The following PPT2 variants were observed in gnomAD, a reference collection of about 807,000 sequenced individuals.
PPT2 encodes the protein palmitoyl-protein thioesterase 2.
A neutral mutation model predicts 37.3 loss-of-function variants in PPT2; 20 were observed. That is an observed-to-expected ratio of 0.54 (90% CI 0.38 to 0.78). The LOEUF (loss-of-function observed/expected upper bound fraction) is 0.78, where lower values mean the gene tolerates loss of function less well. Ranked by LOEUF, PPT2 falls within the 30% of genes least tolerant of loss-of-function variation. PPT2 has a pLI of 0.00. For missense variants in PPT2, 270 were observed against 389.8 expected (o/e 0.69, Z 2.59); for synonymous variants, 135 against 159.1 (o/e 0.85, Z 1.14).
chr6:32,160,223 T>G (rs531572586), intron 7 of PPT2, among the ~76,000 whole-genome samples: 1 of 149,752 alleles, frequency 6.7e-6, no homozygotes, highest in South Asian at 2.1e-4. Context: ...TTTTTTGTAT[T>G]TTTAGTAGAG....
At chr6:32,157,479 C>T in intron 5 of PPT2, 158 bp from the exon 6 acceptor site, 1 of 649,770 alleles carries the variant, frequency 1.5e-6, no homozygotes, top group Non-Finnish European at 2.7e-6. Flanking sequence ...TCCCAAAGTG[C>T]TGGGATTACA....
chr6:32,153,736 C>A, upstream of PPT2: 3 of 1,419,156 alleles, frequency 2.1e-6, no homozygotes, highest in Admixed American at 2.2e-5. This position sits in a 1 kb window ranked among gnomAD's most constrained non-coding sequence, Gnocchi z 4.4. Context: ...CTGCCACTCA[C>A]CCAGCACACG....
rs1250451724 is a variant in PPT2 at position 32,155,680 on chromosome 6, G to C, written c.338-8G>C. On this transcript the variant is annotated splice_polypyrimidine_tract_variant and splice_region_variant and intron_variant, in intron 3 of 8. Transcript: ENST00000324816. The surrounding 1 kb of genome is among the most constrained non-coding windows in gnomAD (Gnocchi z 4.3). The stretch of plus-strand genomic sequence containing the variant: ...AAGTGCCTGCCCAATGTGGTGTTCT[G>C]CTTACAGGGGGCCTTGTGTGCCGGG... The C allele has an allele frequency of 1.9e-6, 3 of 1,613,394 alleles. No individual in the cohort carries two copies. The Admixed American group carries it at 5.0e-5, about 27-fold the overall frequency.
intron 7 of PPT2, among the ~76,000 whole-genome samples, chr6:32,160,810 A>G (rs1784106374): frequency 6.6e-6 from 1 of 152,112 alleles, no homozygotes; most frequent in Non-Finnish European, 1.5e-5. Flanking sequence ...CAACATGGCA[A>G]AACCCTGTCT....
Position 32,156,229 on chromosome 6 carries a change from C to T in PPT2, c.541+251C>T, listed in dbSNP as rs1783798970. Among the ~76,000 whole-genome samples, 1 of 152,104 alleles carries T rather than the reference C, an allele frequency of 6.6e-6. No homozygotes were observed. Among genetic ancestry groups the T allele is most frequent in the Non-Finnish European group, 1.5e-5 (1 of 68,024 alleles). On this transcript the variant is annotated intron_variant, in intron 5 of 8. Transcript: ENST00000324816. This position sits in a 1 kb window ranked among gnomAD's most constrained non-coding sequence, Gnocchi z 4.9. ...CAAGTGATCCTCCTGCCTCAGTCCC[C>T]CTAGTAGCTGGGATTACAGGCAGGC...
rs1385398868 is a variant in PPT2, at chr6:32,162,150, G to A, written c.711-418G>A. Among the ~76,000 whole-genome samples, 1 of 152,140 alleles carries A rather than the reference G, an allele frequency of 6.6e-6. No individual in the cohort carries two copies. Among genetic ancestry groups the A allele is most frequent in the Non-Finnish European group, 1.5e-5 (1 of 68,026 alleles). Reference sequence around the variant, plus strand: ...CTACCTGTCTCCCCAGTAGGCCTTGGGTTCCTTTGGGACCTTAGCCCACCT... The same window carrying A: ...CTACCTGTCTCCCCAGTAGGCCTTGAGTTCCTTTGGGACCTTAGCCCACCT... On this transcript the variant is annotated intron_variant, in intron 7 of 8. Transcript: ENST00000324816. The surrounding 1 kb of genome is among the most constrained non-coding windows in gnomAD (Gnocchi z 5.5).
chr6:32,155,273 C>T lies in PPT2; in HGVS notation c.337+90C>T. ...ACTTCCTAGCGTCCCTTTTTCTGAA[C>T]CACATTGCTCCAGGCACAACCCTGG... On this transcript the variant is annotated intron_variant, in intron 3 of 8. Transcript: ENST00000324816. The surrounding 1 kb of genome is among the most constrained non-coding windows in gnomAD (Gnocchi z 4.3). 6.9e-7 allele frequency: 1 copy of T among 1,450,822 alleles called. No homozygotes were observed. Among genetic ancestry groups the T allele is most frequent in the South Asian group, 1.2e-5 (1 of 82,212 alleles). 89.9% of individuals were successfully genotyped at this position (1,450,822 alleles called of 1,614,324 possible). A position where few individuals can be genotyped will look rare whatever the true frequency, so the allele number is the denominator to read the frequency against.
rs1214191656 is a variant in PPT2, at chr6:32,159,433, C to CAAAAAAAAAA, written c.710+1519_710+1528dup. On this transcript the variant is annotated intron_variant, in intron 7 of 8. Transcript: ENST00000324816. ...GGGCAACAAGAGCGAAACTCCATCT[C>CAAAAAAAAAA]AAAAAAAAAAAAAAAAAAATATATA... Among the ~76,000 whole-genome samples the CAAAAAAAAAA allele has an allele frequency of 2.0e-3, 45 of 22,162 alleles. 3 individuals are homozygous for CAAAAAAAAAA. Among genetic ancestry groups the CAAAAAAAAAA allele is most frequent in the African/African-American group, 2.8e-3 (13 of 4,648 alleles). The allele number at this position is 22,162 out of a possible 152,430, so 14.5% of individuals were successfully genotyped here.
intron 5 of PPT2, 38 bp from the exon 6 acceptor site, chr6:32,157,599 C>A: frequency 6.6e-7 from 1 of 1,519,544 alleles, no homozygotes; most frequent in South Asian, 1.1e-5. Context: ...TCTTGCCTCC[C>A]TTTTCTGCTT....
rs753979640 is a variant in PPT2 at position 32,154,807 on chromosome 6, G to A, written c.183+30G>A. 4.4e-6 allele frequency: 7 copies of A among 1,598,968 alleles called. No individual in the cohort carries two copies. The South Asian group carries it at 7.7e-5, about 18-fold the overall frequency. On this transcript the variant is annotated intron_variant, in intron 2 of 8. Transcript: ENST00000324816. This position sits in a 1 kb window ranked among gnomAD's most constrained non-coding sequence, Gnocchi z 7.3. Reference sequence around the variant, plus strand: ...GGCAGGGGACACCTGGGTGCAGGGCGTTAGAGGCGTCTACTGTGGCAGGGG... The same window carrying A: ...GGCAGGGGACACCTGGGTGCAGGGCATTAGAGGCGTCTACTGTGGCAGGGG...
At position 32,155,898 on chromosome 6, in the gene PPT2, C is replaced by T. The variant is rs1683926193; in HGVS notation, c.461C>T (p.Pro154Leu). The change falls in exon 5 of 9, where the codon CCC (proline) becomes CTC (leucine). Residue 154 changes from proline to leucine, a missense_variant. Transcript: ENST00000324816. This position sits in a 1 kb window ranked among gnomAD's most constrained non-coding sequence, Gnocchi z 4.3. ...GDTDYLKWLF[P>L]TSMRSNLYRI... is the part of the protein sequence containing the mutation. ...ACGGACTACTTGAAGTGGCTGTTCC[C>T]CACCTCCATGCGGTCTAACCTCTAT... 1.2e-6 allele frequency: 2 copies of T among 1,613,902 alleles called. No individual in the cohort carries two copies. The highest frequency in any genetic ancestry group is 1.1e-5 in the South Asian group (1 of 91,084).
rs777375863 is a variant in PPT2, at chr6:32,162,896, C to G, written c.855C>G (p.Ala285=). The change falls in exon 9 of 9, where the codon GCC becomes GCG. Residue 285 remains alanine, a synonymous_variant. Transcript: ENST00000324816. This position sits in a 1 kb window ranked among gnomAD's most constrained non-coding sequence, Gnocchi z 5.5. The part of the protein sequence containing the change: ...RCPMAGISHT[A]WHSNRTLYET... ...CAATGGCCGGTATCTCCCACACAGC[C>G]TGGCACTCCAACCGTACCCTTTATG... 1.2e-6 allele frequency: 2 copies of G among 1,614,150 alleles called. No homozygotes were observed. The highest frequency in any genetic ancestry group is 3.3e-5 in the Admixed American group (2 of 60,022).
Position 32,162,560 on chromosome 6 carries a change from CTT to C in PPT2, c.711-6_711-5del. ...CTTCTGATAACCTCCCCCCAAATCT[CTT>C]TGTAGCTTCTTTGGTTTCTATGATG... On this transcript the variant is annotated splice_polypyrimidine_tract_variant and splice_region_variant and intron_variant, in intron 7 of 8. Transcript: ENST00000324816. This position sits in a 1 kb window ranked among gnomAD's most constrained non-coding sequence, Gnocchi z 5.5. 1 of 1,606,794 alleles carries C rather than the reference CTT, an allele frequency of 6.2e-7. No homozygotes were observed.
At chr6:32,160,896 G>C (rs1295021789) in intron 7 of PPT2, among the ~76,000 whole-genome samples, 3 of 150,536 alleles carry the variant, frequency 2.0e-5, no homozygotes, top group Non-Finnish European at 4.4e-5. Context: ...GCTGAGGTAC[G>C]AGAATTGCTT....
In PPT2 at chr6:32,156,286, A is replaced by C. The variant is rs1297948447; in HGVS notation, c.541+308A>C. Among the ~76,000 whole-genome samples, 1 of 152,028 alleles carries C rather than the reference A, an allele frequency of 6.6e-6. No homozygotes were observed. The highest frequency in any genetic ancestry group is 6.6e-5 in the Admixed American group (1 of 15,258). On this transcript the variant is annotated intron_variant, in intron 5 of 8. Transcript: ENST00000324816. The surrounding 1 kb of genome is among the most constrained non-coding windows in gnomAD (Gnocchi z 4.9). Reference sequence around the variant, plus strand: ...ATGCCCGGCTAAGTTTTGTATTTTAAGTAGAGATGGAGTTTCGCCATGTTG... The same window carrying C: ...ATGCCCGGCTAAGTTTTGTATTTTACGTAGAGATGGAGTTTCGCCATGTTG...
chr6:32,153,977 G>A, upstream of PPT2: 1 of 1,302,598 alleles, frequency 7.7e-7, no homozygotes, highest in East Asian at 3.3e-5. The surrounding 1 kb of genome is among the most constrained non-coding windows in gnomAD (Gnocchi z 4.4). Flanking sequence ...TAAATGGATC[G>A]CTCCGCCTGT....
chr6:32,162,333 C>T lies in PPT2; in HGVS notation c.711-235C>T, dbSNP rs1020085859. Among the ~76,000 whole-genome samples the T allele has an allele frequency of 6.6e-6, 1 of 152,170 alleles. No homozygotes were observed. Among genetic ancestry groups the T allele is most frequent in the African/African-American group, 2.4e-5 (1 of 41,446 alleles). Reference sequence around the variant, plus strand: ...CTCCCGGGTTCAAGTAATTATCCTGCCTCAGCCTCTTGGGTAGCTGGGCTT... The same window carrying T: ...CTCCCGGGTTCAAGTAATTATCCTGTCTCAGCCTCTTGGGTAGCTGGGCTT... On this transcript the variant is annotated intron_variant, in intron 7 of 8. Transcript: ENST00000324816. The surrounding 1 kb of genome is among the most constrained non-coding windows in gnomAD (Gnocchi z 5.5).
intron 7 of PPT2, among the ~76,000 whole-genome samples, chr6:32,159,451 A>AAAAAAAT (rs1290087556): frequency 3.6e-4 from 42 of 115,110 alleles, no homozygotes; most frequent in African/African-American, 8.7e-4. Flanking sequence ...AAAAAAAAAA[A>AAAAAAAT]ATATATATAT....
Position 32,157,640 on chromosome 6 carries a change from C to T in PPT2, c.545C>T (p.Pro182Leu). 3 of 1,592,864 alleles carry T rather than the reference C, an allele frequency of 1.9e-6. No homozygotes were observed. The highest frequency in any genetic ancestry group is 2.6e-6 in the Non-Finnish European group (3 of 1,161,566). ...EFSICNYWHD[P>L]HHDDLYLNAS... is the part of the protein sequence containing the mutation. Reference sequence around the variant, plus strand: ...TCTAACTGCTGTTTGTACCCAGATCCCCACCACGATGACTTGTACCTCAAT... The same window carrying T: ...TCTAACTGCTGTTTGTACCCAGATCTCCACCACGATGACTTGTACCTCAAT... Residue 182 changes from proline (P) to leucine (L), a missense_variant, in exon 6 of 9, where the codon CCC (proline) becomes CTC (leucine). Physicochemically the swap from Pro to Leu is moderately conservative, Grantham distance 98 (BLOSUM62 -3). Coordinates refer to ENST00000324816, the MANE Select transcript of PPT2 (RefSeq NM_005155.7).
Sources: gnomAD v4.1 joint callset for allele counts (sites outside exome capture counted in the v4.1 genomes callset) on GRCh38, gnomAD v4.1.1 for gene constraint, Gnocchi (gnomAD v3.1) non-coding constraint, MANE v1.5 for transcripts, NCBI Gene and HGNC (gene_info 2026-07-23, HGNC 2026-07-21) for gene names.